ZNF407: variants seen among roughly 807,000 people sequenced by gnomAD.
ZNF407 encodes zinc finger protein 407.
ZNF407 carries 17 observed loss-of-function variants against 131.2 expected under a neutral mutation model. The observed-to-expected ratio is 0.13, with a 90% confidence interval of 0.09 to 0.19. The LOEUF (loss-of-function observed/expected upper bound fraction) is 0.19, where lower values mean the gene tolerates loss of function less well. Among genes scored for constraint, ZNF407 ranks in the 10% least tolerant of loss-of-function variants. ZNF407 has a pLI of 1.00. For synonymous variants in ZNF407, 1,156 were observed against 1,062.0 expected, an observed-to-expected ratio of 1.09 and a Z score of -1.72; for missense variants, 2,681 against 2,830.6, an observed-to-expected ratio of 0.95 and a Z score of 1.20.
chr18:75,025,043 A>T (rs1973155239), intron 8 of ZNF407, among the ~76,000 whole-genome samples: 1 of 152,238 alleles, frequency 6.6e-6, no homozygotes, highest in Non-Finnish European at 1.5e-5. Flanking sequence ...TCGGTTATCA[A>T]GTTTGCACAT....
chr18:74,871,661 C>T (rs1179086615), intron 4 of ZNF407, among the ~76,000 whole-genome samples: 3 of 151,818 alleles, frequency 2.0e-5, no homozygotes, highest in African/African-American at 7.3e-5. Flanking sequence ...TGGAACATAC[C>T]AGATCTTTCC....
intron 4 of ZNF407, among the ~76,000 whole-genome samples, chr18:74,842,475 A>G (rs140195744): frequency 2.0e-5 from 3 of 152,280 alleles, no homozygotes; most frequent in African/African-American, 4.8e-5. Context: ...ATGGAGTAAC[A>G]ATATTGTTCA....
intron 3 of ZNF407, among the ~76,000 whole-genome samples, chr18:74,648,422 GTGT>G (rs1985074092): frequency 1.3e-5 from 2 of 152,156 alleles, no homozygotes; most frequent in Admixed American, 1.3e-4. Context: ...CCATGCTGAG[GTGT>G]TGAATGCTGG....
At chr18:74,840,125 C>T (rs2145130219) in intron 4 of ZNF407, among the ~76,000 whole-genome samples, 1 of 152,296 alleles carries the variant, frequency 6.6e-6, no homozygotes, top group South Asian at 2.1e-4. Context: ...CTGTCCTCTT[C>T]AATATACACA....
At chr18:75,005,817 G>A (rs1972903471) in intron 8 of ZNF407, among the ~76,000 whole-genome samples, 2 of 150,912 alleles carry the variant, frequency 1.3e-5, no homozygotes, top group South Asian at 4.2e-4. Context: ...CACCCTCCTG[G>A]GATGCTGCCC....
At chr18:74,769,740 T>C (rs950779416) in intron 3 of ZNF407, among the ~76,000 whole-genome samples, 2 of 152,252 alleles carry the variant, frequency 1.3e-5, no homozygotes, top group African/African-American at 4.8e-5. Context: ...ATGCGGGTTT[T>C]CAACTCTAGA....
intron 8 of ZNF407, among the ~76,000 whole-genome samples, chr18:74,945,445 A>C (rs990770436): frequency 1.3e-5 from 2 of 152,112 alleles, no homozygotes; most frequent in African/African-American, 4.8e-5. Context: ...TATTGTGCTT[A>C]TTTAGAGAAA....
intron 1 of ZNF407, among the ~76,000 whole-genome samples, chr18:74,626,273 A>G (rs1011010817): frequency 2.0e-5 from 3 of 152,242 alleles, no homozygotes; most frequent in Non-Finnish European, 4.4e-5. Context: ...GCAATGCAAA[A>G]CAGTACAGGC....
intron 6 of ZNF407, among the ~76,000 whole-genome samples, chr18:74,884,741 T>C (rs1971284855): frequency 6.6e-6 from 1 of 152,204 alleles, no homozygotes; most frequent in South Asian, 2.1e-4. Context: ...CACATAAAGA[T>C]TTTCATGTAA....
chr18:74,931,519 G>T (rs1334973033), intron 8 of ZNF407, among the ~76,000 whole-genome samples: 2 of 152,066 alleles, frequency 1.3e-5, no homozygotes, highest in Non-Finnish European at 2.9e-5. Context: ...CACAGCTAGG[G>T]TTTTTATTCT....
chr18:74,846,641 C>T (rs957329914), intron 4 of ZNF407, among the ~76,000 whole-genome samples: 1 of 151,346 alleles, frequency 6.6e-6, no homozygotes, highest in African/African-American at 2.4e-5. Flanking sequence ...TTTAAGGCAT[C>T]GAAGTCTTCC....
intron 4 of ZNF407, among the ~76,000 whole-genome samples, chr18:74,790,155 C>G (rs1969799081): frequency 6.6e-6 from 1 of 152,188 alleles, no homozygotes; most frequent in Non-Finnish European, 1.5e-5. Flanking sequence ...AACCAAAAGA[C>G]TGTAATAATA....
intron 8 of ZNF407, among the ~76,000 whole-genome samples, chr18:74,927,902 G>C (rs1020731398): frequency 6.6e-6 from 1 of 152,068 alleles, no homozygotes. Context: ...GGCTACAGAA[G>C]GCCTACTTAA....
At chr18:74,891,569 A>G (rs1211344469) in intron 7 of ZNF407, among the ~76,000 whole-genome samples, 2 of 152,208 alleles carry the variant, frequency 1.3e-5, no homozygotes, top group Non-Finnish European at 2.9e-5. Flanking sequence ...TTATTCATTC[A>G]TTTAACATTT....
intron 8 of ZNF407, among the ~76,000 whole-genome samples, chr18:74,964,494 C>A (rs1254625855): frequency 2.0e-5 from 3 of 149,900 alleles, no homozygotes; most frequent in Non-Finnish European, 4.4e-5. Flanking sequence ...ATAATACAAT[C>A]AAAATTTATC....
intron 2 of ZNF407, 25 bp from the exon 3 acceptor site, chr18:74,640,983 C>A (rs756659505): frequency 6.5e-7 from 1 of 1,538,326 alleles, no homozygotes; most frequent in East Asian, 2.2e-5. Flanking sequence ...AAAATCAAAT[C>A]ATATTTTATG....
chr18:74,850,652 T>C (rs1477904135), intron 4 of ZNF407, among the ~76,000 whole-genome samples: 1 of 152,218 alleles, frequency 6.6e-6, no homozygotes, highest in African/African-American at 2.4e-5. Flanking sequence ...GGCTGATGCT[T>C]TCAGTTCCTT....
intron 3 of ZNF407, among the ~76,000 whole-genome samples, chr18:74,642,005 T>A (rs555277769): frequency 8.2e-6 from 1 of 121,862 alleles, no homozygotes. Context: ...TTATGCAACT[T>A]GCACATATTA....
chr18:75,036,433 T>C (rs1973309383), intron 8 of ZNF407, among the ~76,000 whole-genome samples: 1 of 152,206 alleles, frequency 6.6e-6, no homozygotes, highest in Non-Finnish European at 1.5e-5. Context: ...TGAAACAACA[T>C]ACCTGAAAGA....
Sources: gnomAD v4.1 joint callset for allele counts (sites outside exome capture counted in the v4.1 genomes callset) on GRCh38, gnomAD v4.1.1 for gene constraint, MANE v1.5 for transcripts, NCBI Gene and HGNC (gene_info 2026-07-23, HGNC 2026-07-21) for gene names.